Variants in ABTB2 observed in about 807,000 individuals in gnomAD.
ABTB2 encodes the protein ankyrin repeat and BTB domain containing 2, also known as ankyrin repeat and BTB/POZ domain-containing protein 2.
In ABTB2, 56 loss-of-function variants were observed where a neutral mutation model predicts 104.1. That is an observed-to-expected ratio of 0.54 (90% CI 0.43 to 0.67). The LOEUF is 0.67. ABTB2 is among the 30% of genes least tolerant of loss of function. The pLI is 0.00. For missense variants in ABTB2, 1,279 were observed against 1,407.7 expected, an observed-to-expected ratio of 0.91 and a Z score of 1.46; for synonymous variants, 606 against 608.2, an observed-to-expected ratio of 1.00 and a Z score of 0.05.
At chr11:34,204,776 C>T in intron 1 of ABTB2, 86 bp from the exon 2 acceptor site, 1 of 1,412,596 alleles carries the variant, frequency 7.1e-7, no homozygotes, top group South Asian at 1.4e-5. Flanking sequence ...GGGCTCAGCC[C>T]TGCTCCCCTG....
intron 1 of ABTB2, among the ~76,000 whole-genome samples, chr11:34,323,266 G>A (rs915676995): frequency 3.9e-5 from 6 of 152,158 alleles, no homozygotes; most frequent in African/African-American, 1.4e-4. Flanking sequence ...ATGTCATGAT[G>A]TCTGGGATTT....
At chr11:34,237,306 A>T (rs1420586843) in intron 1 of ABTB2, among the ~76,000 whole-genome samples, 2 of 120,382 alleles carry the variant, frequency 1.7e-5, no homozygotes, top group Admixed American at 1.0e-4. Context: ...TTTTAGACCG[A>T]GTCTCGCTCT....
chr11:34,169,301 G>A (rs113292267), intron 5 of ABTB2, among the ~76,000 whole-genome samples: 5 of 152,216 alleles, frequency 3.3e-5, no homozygotes, highest in African/African-American at 9.6e-5. Flanking sequence ...AAACCAGGCC[G>A]GCTCGCAGAT....
intron 1 of ABTB2, among the ~76,000 whole-genome samples, chr11:34,238,228 T>C (rs1016571040): frequency 1.3e-5 from 2 of 152,178 alleles, no homozygotes; most frequent in East Asian, 3.9e-4. Flanking sequence ...GAAGTATTCC[T>C]TTCCCCTGGC....
rs569725543 is a variant in ABTB2 at position 34,250,998 on chromosome 11, ATG to A, written c.884-46310_884-46309del. Among the ~76,000 whole-genome samples, 6 of 152,310 alleles carry A rather than the reference ATG, an allele frequency of 3.9e-5. No homozygotes were observed. The South Asian group carries it at 1.2e-3, about 32-fold the overall frequency. The stretch of plus-strand genomic sequence containing the variant: ...CATCCAGGTCTGTCTGCCATCAAAC[ATG>A]TGTTTTTACCCCTATATTTACTCCT... On this transcript the variant is annotated intron_variant, in intron 1 of 16. Coordinates refer to ENST00000435224, the MANE Select transcript of ABTB2 (RefSeq NM_145804.3).
intron 1 of ABTB2, among the ~76,000 whole-genome samples, chr11:34,329,256 G>A (rs1157900842): frequency 6.6e-6 from 1 of 152,200 alleles, no homozygotes; most frequent in Admixed American, 6.5e-5. Flanking sequence ...TTAATGGTCT[G>A]TTGAAACTCT....
chr11:34,158,949 A>G (rs565338602), intron 14 of ABTB2, among the ~76,000 whole-genome samples: 2 of 152,276 alleles, frequency 1.3e-5, no homozygotes, highest in East Asian at 1.9e-4. Flanking sequence ...TGCATTTCCA[A>G]CAAGCTCTCA....
intron 1 of ABTB2, among the ~76,000 whole-genome samples, chr11:34,256,285 G>C (rs1319189001): frequency 6.6e-6 from 1 of 152,180 alleles, no homozygotes; most frequent in Non-Finnish European, 1.5e-5. Flanking sequence ...CTAGTGACCA[G>C]TGCAATGTTG....
At chr11:34,214,139 A>AAAACACACACAC (rs112616498) in intron 1 of ABTB2, among the ~76,000 whole-genome samples, 156 of 139,272 alleles carry the variant, frequency 1.1e-3, no homozygotes, top group African/African-American at 4.3e-3. Context: ...GCACATTCAA[A>AAAACACACACAC]ACACACACAC....
intron 10 of ABTB2, 63 bp downstream of exon 10, chr11:34,162,513 G>T: frequency 1.3e-6 from 2 of 1,532,600 alleles, no homozygotes; most frequent in South Asian, 2.4e-5. Flanking sequence ...AGAGCAGCAG[G>T]GAGTGACCGT....
At chr11:34,157,659 G>A (rs184549584) in intron 14 of ABTB2, among the ~76,000 whole-genome samples, 2 of 152,268 alleles carry the variant, frequency 1.3e-5, no homozygotes, top group Admixed American at 1.3e-4. Context: ...AGAGGGAAGG[G>A]GAGACGCCAC....
At position 34,167,254 on chromosome 11, in the gene ABTB2, C is replaced by T. The variant is rs766184450; in HGVS notation, c.1755+5G>A. On this transcript the variant is annotated splice_donor_5th_base_variant and intron_variant, in intron 7 of 16. Transcript: ENST00000435224. ...GGGCATGGTGTTCACCTGGCAGGAG[C>T]TCACCTGGACCACAGAGATGTGTCC... is the stretch of plus-strand genomic sequence containing the variant. The T allele has an allele frequency of 5.0e-6, 8 of 1,604,838 alleles. No individual in the cohort carries two copies. The highest frequency in any genetic ancestry group is 6.8e-6 in the Non-Finnish European group (8 of 1,175,480).
chr11:34,345,312 T>TTCTCCAGCCAGGCTGGCC (rs1855317252), intron 1 of ABTB2, among the ~76,000 whole-genome samples: 1 of 152,174 alleles, frequency 6.6e-6, no homozygotes, highest in African/African-American at 2.4e-5. Context: ...TAGAGCTGTC[T>TTCTCCAGCCAGGCTGGCC]TCTCCAGCCA....
intron 2 of ABTB2, among the ~76,000 whole-genome samples, chr11:34,202,826 G>A (rs933920536): frequency 6.6e-6 from 1 of 150,492 alleles, no homozygotes; most frequent in African/African-American, 2.4e-5. Context: ...GTGACAGAGC[G>A]AGACTCCATC....
intron 1 of ABTB2, among the ~76,000 whole-genome samples, chr11:34,219,965 C>A (rs1269137376): frequency 6.6e-6 from 1 of 152,172 alleles, no homozygotes; most frequent in African/African-American, 2.4e-5. Context: ...CAAAAAGCCC[C>A]CATTTACTCA....
chr11:34,308,992 T>C (rs1267359215), intron 1 of ABTB2, among the ~76,000 whole-genome samples: 1 of 152,232 alleles, frequency 6.6e-6, no homozygotes, highest in Non-Finnish European at 1.5e-5. Context: ...GACAATGTTT[T>C]GGCACTTACA....
intron 1 of ABTB2, among the ~76,000 whole-genome samples, chr11:34,339,231 C>T (rs754276075): frequency 1.3e-5 from 2 of 152,140 alleles, no homozygotes; most frequent in African/African-American, 2.4e-5. Flanking sequence ...AGAACCTGCA[C>T]CCAGTCTAGA....
chr11:34,230,510 G>A (rs889273803), intron 1 of ABTB2, among the ~76,000 whole-genome samples: 3 of 152,162 alleles, frequency 2.0e-5, no homozygotes, highest in African/African-American at 7.2e-5. Flanking sequence ...CTCAAAAATG[G>A]TACCTGGAAC....
Position 34,171,003 on chromosome 11 carries a change from T to G in ABTB2, c.1466A>C (p.Asp489Ala). ...ACAGTTGAGCATGCGGAAACCCAGG[T>G]CCTGGTTGAATTTTTCAGTAGCTGC... ...ARAATEKFNQ[D>A]LGFRMLNCGR... The change falls in exon 5 of 17, where the codon GAC becomes GCC. Residue 489 changes from aspartate to alanine, a missense_variant. Transcript: ENST00000435224. 1 of 1,614,178 alleles carries G rather than the reference T, an allele frequency of 6.2e-7. No homozygotes were observed. Among genetic ancestry groups the G allele is most frequent in the Non-Finnish European group, 8.5e-7 (1 of 1,180,030 alleles).
Sources: gnomAD v4.1 joint callset for allele counts (sites outside exome capture counted in the v4.1 genomes callset) on GRCh38, gnomAD v4.1.1 for gene constraint, MANE v1.5 for transcripts, NCBI Gene and HGNC (gene_info 2026-07-23, HGNC 2026-07-21) for gene names.